PTCHD4: variants seen among roughly 807,000 people sequenced by gnomAD.
PTCHD4 encodes the protein patched domain containing 4.
PTCHD4 carries 33 observed loss-of-function variants against 58.1 expected under a neutral mutation model. That is an observed-to-expected ratio of 0.57 (90% confidence interval 0.43 to 0.76). The LOEUF (loss-of-function observed/expected upper bound fraction) is 0.76. Among genes scored for constraint, PTCHD4 ranks in the 30% least tolerant of loss-of-function variants. PTCHD4 has a pLI of 0.00. For missense variants in PTCHD4, 1,058 were observed against 1,027.1 expected (o/e 1.03, Z -0.41); for synonymous variants, 478 against 409.6 (o/e 1.17, Z -2.02).
chr6:48,028,619 A>T (rs191281023), intron 3 of PTCHD4, among the ~76,000 whole-genome samples: 171 of 152,232 alleles, frequency 1.1e-3, no homozygotes, highest in Non-Finnish European at 2.1e-3. Flanking sequence ...TTAATAAGAA[A>T]TTAAAGGGCT....
At position 47,859,303 on chromosome 6, in the gene PTCHD4, T is replaced by A. The variant is rs1025052124; in HGVS notation, c.*19000A>T. Among the ~76,000 whole-genome samples, 10 of 152,082 alleles carry A rather than the reference T, an allele frequency of 6.6e-5. No individual in the cohort carries two copies. Among genetic ancestry groups the A allele is most frequent in the African/African-American group, 2.4e-4 (10 of 41,432 alleles). On this transcript the variant is annotated 3_prime_UTR_variant, in exon 5 of 5. Coordinates refer to ENST00000339488, the MANE Select transcript of PTCHD4 (RefSeq NM_001384253.1). ...CAAGCTAGGATACGAGCACAGTCCCTGCTCTGCCAAAGGAAACCATGTCTT... is the reference window on the plus strand; with the variant it reads ...CAAGCTAGGATACGAGCACAGTCCCAGCTCTGCCAAAGGAAACCATGTCTT...
Position 47,861,881 on chromosome 6 carries a change from A to G in PTCHD4, c.*16422T>C, listed in dbSNP as rs186980262. Among the ~76,000 whole-genome samples the G allele has an allele frequency of 1.6e-4, 24 of 152,024 alleles. No individual in the cohort carries two copies. The East Asian group carries it at 3.1e-3, about 20-fold the overall frequency. On this transcript the variant is annotated 3_prime_UTR_variant, in exon 5 of 5. Transcript: ENST00000339488. Reference sequence around the variant, plus strand: ...TTAATCCATGTTTGTTGGATGGATTAATGAATGAATGATATGGCTAGTTCA... The same window carrying G: ...TTAATCCATGTTTGTTGGATGGATTGATGAATGAATGATATGGCTAGTTCA...
At chr6:48,045,783 T>C (rs577988717) in intron 3 of PTCHD4, among the ~76,000 whole-genome samples, 41 of 151,698 alleles carry the variant, frequency 2.7e-4, no homozygotes, top group Middle Eastern at 3.4e-3. Flanking sequence ...TTTTTCTTTT[T>C]TTTTTTTCCC....
At chr6:48,008,339 G>T (rs1299566310) in intron 4 of PTCHD4, among the ~76,000 whole-genome samples, 1 of 152,144 alleles carries the variant, frequency 6.6e-6, no homozygotes. Context: ...CCTTAACTCG[G>T]TCTCTCATAA....
chr6:48,016,461 G>T (rs1353360246), intron 3 of PTCHD4, among the ~76,000 whole-genome samples: 1 of 152,018 alleles, frequency 6.6e-6, no homozygotes. Context: ...CAGTTAGGAA[G>T]TCCCTGTAGT....
chr6:48,008,264 C>T (rs572076725), intron 4 of PTCHD4, among the ~76,000 whole-genome samples: 3 of 152,280 alleles, frequency 2.0e-5, no homozygotes, highest in African/African-American at 7.2e-5. Context: ...CTCTTCACTC[C>T]CATCAACTTG....
At chr6:47,915,600 C>G (rs1447567250) in intron 4 of PTCHD4, among the ~76,000 whole-genome samples, 2 of 136,654 alleles carry the variant, frequency 1.5e-5, no homozygotes, top group Non-Finnish European at 3.1e-5. Context: ...TGTTAGAAAA[C>G]TGAAGCTGAA....
At chr6:48,013,482 G>T (rs1473920459) in intron 3 of PTCHD4, among the ~76,000 whole-genome samples, 1 of 150,528 alleles carries the variant, frequency 6.6e-6, no homozygotes, top group African/African-American at 2.4e-5. Flanking sequence ...GGTTCCCAAG[G>T]CTCTCTCTTG....
At chr6:47,954,685 T>C (rs879896892) in intron 4 of PTCHD4, among the ~76,000 whole-genome samples, 4 of 152,212 alleles carry the variant, frequency 2.6e-5, no homozygotes, top group Non-Finnish European at 5.9e-5. Context: ...ACTGTTGTAG[T>C]ATTAGTGTAG....
intron 1 of PTCHD4, among the ~76,000 whole-genome samples, chr6:48,090,150 A>G (rs1765337115): frequency 6.6e-6 from 1 of 152,224 alleles, no homozygotes; most frequent in African/African-American, 2.4e-5. Context: ...TTTAAAGTTC[A>G]GAGTAGGTGA....
chr6:47,913,014 G>A lies in PTCHD4; in HGVS notation c.899-33078C>T, dbSNP rs547298176. ...CTTAGACAGTCATCTCTAGTTCTGA[G>A]TGACCAGCACTGCTACAAGCTAATT... On this transcript the variant is annotated intron_variant, in intron 4 of 4. Transcript: ENST00000339488. Among the ~76,000 whole-genome samples the A allele has an allele frequency of 7.9e-5, 12 of 152,178 alleles. No individual in the cohort carries two copies. In the South Asian group the frequency reaches 2.1e-3, roughly 26 times the overall value.
intron 4 of PTCHD4, among the ~76,000 whole-genome samples, chr6:47,970,849 T>C (rs1767480688): frequency 6.6e-6 from 1 of 152,214 alleles, no homozygotes; most frequent in South Asian, 2.1e-4. Context: ...TCAGACTCTG[T>C]GCACTGACTG....
rs1581790529 is a variant in PTCHD4 at position 47,859,489 on chromosome 6, C to T, written c.*18814G>A. ...TGAGATACATCTAATATATTTGCAA[C>T]TGAAACACTTGAAGCTTTCAAGGTC... On this transcript the variant is annotated 3_prime_UTR_variant, in exon 5 of 5. Transcript: ENST00000339488. Among the ~76,000 whole-genome samples the T allele has an allele frequency of 6.6e-6, 1 of 151,976 alleles. No homozygotes were observed. The highest frequency in any genetic ancestry group is 2.4e-5 in the African/African-American group (1 of 41,402).
intron 1 of PTCHD4, among the ~76,000 whole-genome samples, chr6:48,095,744 A>AAAC (rs1562047875): frequency 2.0e-5 from 3 of 151,876 alleles, no homozygotes; most frequent in African/African-American, 7.3e-5. Flanking sequence ...AAAAAAAAAA[A>AAAC]AAACAAATAT....
intron 4 of PTCHD4, among the ~76,000 whole-genome samples, chr6:47,960,826 C>T (rs1385484941): frequency 1.3e-5 from 2 of 151,766 alleles, no homozygotes; most frequent in African/African-American, 2.4e-5. Context: ...GAGATAAATA[C>T]AAATTCACAA....
At chr6:48,043,424 C>T (rs1286628608) in intron 3 of PTCHD4, among the ~76,000 whole-genome samples, 1 of 151,672 alleles carries the variant, frequency 6.6e-6, no homozygotes, top group Non-Finnish European at 1.5e-5. Context: ...TGAAAGGCAG[C>T]GTTTTTTTGA....
intron 1 of PTCHD4, among the ~76,000 whole-genome samples, chr6:48,092,572 A>C (rs1765388038): frequency 6.6e-6 from 1 of 152,212 alleles, no homozygotes; most frequent in Non-Finnish European, 1.5e-5. Flanking sequence ...AGGCAAAATG[A>C]GAAAAATCAA....
chr6:48,091,617 C>T (rs1765366628), intron 1 of PTCHD4, among the ~76,000 whole-genome samples: 1 of 149,846 alleles, frequency 6.7e-6, no homozygotes, highest in African/African-American at 2.5e-5. Flanking sequence ...CCTTCCTTCC[C>T]TCCCTCCCTC....
In PTCHD4 at chr6:47,981,600, T is replaced by C. The variant is rs1459122554; in HGVS notation, c.898+27034A>G. Reference sequence around the variant, plus strand: ...CAGCTGTATTTTGCTTATGTTCTTTTCTTAATTTTGTGTGCTAGTGCCTCT... The same window carrying C: ...CAGCTGTATTTTGCTTATGTTCTTTCCTTAATTTTGTGTGCTAGTGCCTCT... On this transcript the variant is annotated intron_variant, in intron 4 of 4. Coordinates refer to ENST00000339488, the MANE Select transcript of PTCHD4 (RefSeq NM_001384253.1). Among the ~76,000 whole-genome samples, 4 of 152,308 alleles carry C rather than the reference T, an allele frequency of 2.6e-5. No homozygotes were observed. In the East Asian group the frequency reaches 7.7e-4, roughly 29 times the overall value.
Sources: allele counts gnomAD v4.1 joint callset (sites outside exome capture counted in the v4.1 genomes callset), GRCh38; gene constraint gnomAD v4.1.1; transcripts MANE v1.5; gene names NCBI Gene and HGNC (gene_info 2026-07-23, HGNC 2026-07-21).